The following STAG1 variants were observed in gnomAD, a reference collection of about 807,000 sequenced individuals.
STAG1 encodes cohesin subunit SA-1.
In STAG1, 26 loss-of-function variants were observed where a neutral mutation model predicts 170.9. That is an observed-to-expected ratio of 0.15 (90% CI 0.11 to 0.21). The LOEUF (loss-of-function observed/expected upper bound fraction) is 0.21, where lower values mean the gene tolerates loss of function less well. Among genes scored for constraint, STAG1 ranks in the 10% least tolerant of loss-of-function variants. The pLI is 1.00. For missense variants in STAG1, 964 were observed against 1,509.5 expected (o/e 0.64, Z 5.99); for synonymous variants, 514 against 497.7 (o/e 1.03, Z -0.44).
chr3:136,541,538 T>TCACACACATTCA (rs1553743112), intron 6 of STAG1, among the ~76,000 whole-genome samples: 1 of 123,122 alleles, frequency 8.1e-6, no homozygotes, highest in Non-Finnish European at 1.7e-5. Flanking sequence ...AGCTTAACAT[T>TCACACACATTCA]CACACACACA....
chr3:136,629,501 T>A (rs963768294), intron 2 of STAG1, among the ~76,000 whole-genome samples: 1 of 151,912 alleles, frequency 6.6e-6, no homozygotes, highest in Admixed American at 6.6e-5. Context: ...GTTCATATAT[T>A]TATATATATG....
At chr3:136,567,111 A>G (rs1937108910) in intron 5 of STAG1, among the ~76,000 whole-genome samples, 1 of 152,230 alleles carries the variant, frequency 6.6e-6, no homozygotes, top group Non-Finnish European at 1.5e-5. Context: ...AAGACTTCTT[A>G]TTATACAACT....
At chr3:136,504,044 T>C (rs1261734701) in intron 7 of STAG1, among the ~76,000 whole-genome samples, 2 of 152,144 alleles carry the variant, frequency 1.3e-5, no homozygotes, top group African/African-American at 2.4e-5. Flanking sequence ...GCCTATTTTT[T>C]CTTAATTACA....
intron 1 of STAG1, among the ~76,000 whole-genome samples, chr3:136,722,826 C>T (rs912351390): frequency 2.6e-5 from 4 of 152,102 alleles, no homozygotes; most frequent in African/African-American, 9.7e-5. Context: ...CGAGTGCCTG[C>T]GATTGCAGGC....
At chr3:136,479,078 A>ATT (rs1249805254) in intron 9 of STAG1, among the ~76,000 whole-genome samples, 56 of 127,018 alleles carry the variant, frequency 4.4e-4, no homozygotes, top group Non-Finnish European at 3.9e-4. Flanking sequence ...TTTTTTTTTA[A>ATT]TTTTTTTTTT....
intron 12 of STAG1, among the ~76,000 whole-genome samples, chr3:136,471,086 T>C (rs1462505598): frequency 6.7e-6 from 1 of 148,248 alleles, no homozygotes; most frequent in African/African-American, 2.5e-5. Context: ...GTAACAAAGC[T>C]GCACATTGTG....
chr3:136,545,167 G>A (rs1054572150), intron 5 of STAG1, among the ~76,000 whole-genome samples: 3 of 152,078 alleles, frequency 2.0e-5, no homozygotes, highest in African/African-American at 7.2e-5. Flanking sequence ...TCCTGCCTCA[G>A]TCTCCTGAGT....
Position 136,405,231 on chromosome 3 carries a change from CTTTTTTTTTTTTT to C in STAG1, c.2197-6415_2197-6403del, listed in dbSNP as rs554475207. Among the ~76,000 whole-genome samples, 42 of 60,908 alleles carry C rather than the reference CTTTTTTTTTTTTT, an allele frequency of 6.9e-4. 1 individual carries two copies. Among genetic ancestry groups the C allele is most frequent in the African/African-American group, 1.3e-3 (29 of 22,644 alleles). 40.0% of individuals were successfully genotyped at this position (60,908 alleles called of 152,430 possible). On this transcript the variant is annotated intron_variant, in intron 21 of 33. Transcript: ENST00000383202. ...AATAAATAAACACATGAAAAAACCT[CTTTTTTTTTTTTT>C]TTTTTTTTTTTTTTTCAGACGAAGT...
At chr3:136,702,649 G>C (rs1181360552) in intron 1 of STAG1, among the ~76,000 whole-genome samples, 1 of 152,106 alleles carries the variant, frequency 6.6e-6, no homozygotes, top group Non-Finnish European at 1.5e-5. Context: ...GCCTCCCAAA[G>C]TGCTGGAATT....
chr3:136,419,426 C>G (rs1000275050), intron 20 of STAG1, among the ~76,000 whole-genome samples: 3 of 152,036 alleles, frequency 2.0e-5, no homozygotes, highest in African/African-American at 7.2e-5. Flanking sequence ...TACAATTTGA[C>G]AACACAAATT....
chr3:136,355,414 T>G (rs1472308833), intron 28 of STAG1, among the ~76,000 whole-genome samples: 1 of 135,328 alleles, frequency 7.4e-6, no homozygotes, highest in African/African-American at 2.8e-5. Context: ...CCAAAATGTA[T>G]GAAGCAAAAA....
intron 6 of STAG1, among the ~76,000 whole-genome samples, chr3:136,533,889 G>A (rs1935497873): frequency 6.6e-6 from 1 of 152,118 alleles, no homozygotes; most frequent in South Asian, 2.1e-4. Context: ...ATCCTAAAGT[G>A]TGCATGGAAC....
At chr3:136,560,153 A>G (rs1936783104) in intron 5 of STAG1, among the ~76,000 whole-genome samples, 1 of 152,174 alleles carries the variant, frequency 6.6e-6, no homozygotes, top group Non-Finnish European at 1.5e-5. Flanking sequence ...ACTCCTAGAA[A>G]GCCCTGAGGC....
intron 3 of STAG1, among the ~76,000 whole-genome samples, chr3:136,612,226 T>C (rs1176583678): frequency 6.6e-6 from 1 of 152,170 alleles, no homozygotes; most frequent in African/African-American, 2.4e-5. Context: ...TTCAGATTTT[T>C]CTATTAGGGT....
At chr3:136,586,074 A>C (rs535762493) in intron 4 of STAG1, among the ~76,000 whole-genome samples, 46 of 152,340 alleles carry the variant, frequency 3.0e-4, no homozygotes, top group African/African-American at 9.9e-4. Context: ...TAGAAGCATT[A>C]AAGTAAGTTA....
intron 1 of STAG1, among the ~76,000 whole-genome samples, chr3:136,665,710 G>A (rs1941740220): frequency 6.6e-6 from 1 of 150,602 alleles, no homozygotes; most frequent in East Asian, 1.9e-4. Flanking sequence ...AACCCAGGAG[G>A]CAGAGCTTGC....
intron 16 of STAG1, among the ~76,000 whole-genome samples, chr3:136,424,231 TATTCAATACATTGAA>T (rs747556426): frequency 1.6e-4 from 25 of 152,152 alleles, no homozygotes; most frequent in Admixed American, 3.3e-4. Context: ...TCTAGGAATG[TATTCAATACATTGAA>T]AAGTCTTGAA....
chr3:136,342,887 G>T (rs1936040533), intron 30 of STAG1, among the ~76,000 whole-genome samples: 1 of 152,176 alleles, frequency 6.6e-6, no homozygotes, highest in African/African-American at 2.4e-5. Flanking sequence ...TGGGGATATT[G>T]GTTAGGTCAC....
At chr3:136,532,620 A>C (rs1194319782) in intron 6 of STAG1, among the ~76,000 whole-genome samples, 2 of 152,204 alleles carry the variant, frequency 1.3e-5, no homozygotes, top group Non-Finnish European at 2.9e-5. Flanking sequence ...AACGTATGCA[A>C]ATCAACAAAT....
Sources: allele counts gnomAD v4.1 joint callset (sites outside exome capture counted in the v4.1 genomes callset), GRCh38; gene constraint gnomAD v4.1.1; transcripts MANE v1.5; gene names NCBI Gene and HGNC (gene_info 2026-07-23, HGNC 2026-07-21).